KCNC4: variants seen among roughly 807,000 people sequenced by gnomAD.
The protein encoded by KCNC4 is potassium voltage-gated channel subfamily C member 4, also known as voltage-gated potassium channel KCNC4.
A neutral mutation model predicts 42.8 loss-of-function variants in KCNC4; 23 were observed. The observed-to-expected ratio is 0.54, with a 90% CI of 0.39 to 0.76. The LOEUF (loss-of-function observed/expected upper bound fraction) is 0.76. Among genes scored for constraint, KCNC4 ranks in the 30% least tolerant of loss-of-function variants. The pLI is 0.00. For missense variants in KCNC4, 751 were observed against 898.2 expected, an observed-to-expected ratio of 0.84 and a Z score of 2.10; for synonymous variants, 422 against 393.5, an observed-to-expected ratio of 1.07 and a Z score of -0.86.
chr1:110,273,405 G>C (rs1308906018), intron 1 of KCNC4, among the ~76,000 whole-genome samples: 1 of 152,078 alleles, frequency 6.6e-6, no homozygotes, highest in Non-Finnish European at 1.5e-5. Context: ...TTCTGTGAGA[G>C]TTATTTATCT....
chr1:110,211,382 C>G lies in KCNC4; in HGVS notation c.-118C>G, dbSNP rs542783839. 36 of 1,421,068 alleles carry G rather than the reference C, an allele frequency of 2.5e-5. No individual in the cohort carries two copies. In the Middle Eastern group the frequency reaches 7.7e-4, roughly 30 times the overall value. 88.0% of individuals were successfully genotyped at this position (1,421,068 alleles called of 1,614,324 possible). On this transcript the variant is annotated 5_prime_UTR_variant, in exon 1 of 4. Transcript: ENST00000438661. The surrounding 1 kb of genome is among the most constrained non-coding windows in gnomAD (Gnocchi z 6.5). ...GGCAAGCCCAAGCCGCAGAGGGGGCCGCCACCGCCTCCTGCCTCCTCTTCG... is the reference window on the plus strand; with the variant it reads ...GGCAAGCCCAAGCCGCAGAGGGGGCGGCCACCGCCTCCTGCCTCCTCTTCG...
chr1:110,232,229 G>A (rs367744177), intron 3 of KCNC4: 101 of 1,613,754 alleles, frequency 6.3e-5, no homozygotes, highest in Admixed American at 1.3e-4. Flanking sequence ...AGGCACATTC[G>A]TCCTCCGTGA....
chr1:110,246,246 G>C (rs1289458932), exon 4 of KCNC4: 2 of 152,172 alleles, frequency 1.3e-5, no homozygotes, highest in Non-Finnish European at 2.9e-5. Flanking sequence ...ACTCCATCCT[G>C]ACCTCAGAAG....
At chr1:110,258,226 G>A (rs1344773450) in intron 1 of KCNC4, among the ~76,000 whole-genome samples, 1 of 152,100 alleles carries the variant, frequency 6.6e-6, no homozygotes, top group African/African-American at 2.4e-5. Context: ...TAAGATTTAT[G>A]AAGGGTTTTT....
intron 1 of KCNC4, chr1:110,222,225 G>A (rs912237710): frequency 2.0e-5 from 3 of 152,224 alleles, no homozygotes; most frequent in Non-Finnish European, 2.9e-5. Context: ...ACATCCTAAG[G>A]TGAGAGGCAG....
intron 1 of KCNC4, among the ~76,000 whole-genome samples, chr1:110,273,894 G>C (rs1256983591): frequency 6.6e-6 from 1 of 152,180 alleles, no homozygotes; most frequent in Non-Finnish European, 1.5e-5. Context: ...TGGTGGTAGA[G>C]AGGTCTCAAA....
chr1:110,224,687 C>T (rs1183152315), intron 2 of KCNC4: 2 of 152,262 alleles, frequency 1.3e-5, no homozygotes, highest in African/African-American at 4.8e-5. Context: ...CAAGAAAGCT[C>T]ATCTCCGCCC....
At chr1:110,270,135 G>A (rs890249391) in intron 1 of KCNC4, among the ~76,000 whole-genome samples, 2 of 152,162 alleles carry the variant, frequency 1.3e-5, no homozygotes, top group South Asian at 4.1e-4. Flanking sequence ...AAACACTGAC[G>A]TCCAACTGGC....
intron 1 of KCNC4, among the ~76,000 whole-genome samples, chr1:110,276,926 C>A (rs1469868923): frequency 6.6e-6 from 1 of 152,208 alleles, no homozygotes; most frequent in Non-Finnish European, 1.5e-5. Context: ...AAGTTCTCAA[C>A]AGTGCTGAGA....
At chr1:110,279,668 A>T (rs927265020) in intron 1 of KCNC4, among the ~76,000 whole-genome samples, 4 of 152,146 alleles carry the variant, frequency 2.6e-5, no homozygotes, top group African/African-American at 9.7e-5. Context: ...GATGTTTTCC[A>T]TTATTCCTGA....
chr1:110,265,308 T>G (rs1659518027), intron 1 of KCNC4, among the ~76,000 whole-genome samples: 1 of 151,172 alleles, frequency 6.6e-6, no homozygotes, highest in Non-Finnish European at 1.5e-5. Flanking sequence ...GAGTGAACAG[T>G]AGAACTCTCA....
chr1:110,240,724 G>A (rs935209169), exon 4 of KCNC4: 2 of 152,208 alleles, frequency 1.3e-5, no homozygotes, highest in Non-Finnish European at 2.9e-5. Flanking sequence ...AGCTGCCATG[G>A]GAGGCAGAGC....
At chr1:110,248,783 C>T (rs1014017076) in exon 4 of KCNC4, 3 of 152,104 alleles carry the variant, frequency 2.0e-5, no homozygotes, top group Non-Finnish European at 4.4e-5. Flanking sequence ...ATTAACATAC[C>T]TAGTATTAAG....
intron 3 of KCNC4, among the ~76,000 whole-genome samples, chr1:110,230,358 C>G (rs970058180): frequency 6.6e-6 from 1 of 152,146 alleles, no homozygotes; most frequent in Non-Finnish European, 1.5e-5. Flanking sequence ...GATGGAGATG[C>G]GAGGGCCCCT....
rs755746125 is a variant in KCNC4 at position 110,233,320 on chromosome 1, C to G, written c.*348C>G. On this transcript the variant is annotated 3_prime_UTR_variant, in exon 4 of 4. Transcript: ENST00000438661. ...AGTTTCCCGTCCCCTTCACTGATTT[C>G]TGTTGTTTCTGCTGACTGTGTGGGT... 30 of 360,870 alleles carry G rather than the reference C, an allele frequency of 8.3e-5. No individual in the cohort carries two copies. Among genetic ancestry groups the G allele is most frequent in the Non-Finnish European group, 1.4e-4 (27 of 197,506 alleles). 22.4% of individuals were successfully genotyped at this position (360,870 alleles called of 1,614,324 possible).
At chr1:110,235,924 T>C (rs148475114), downstream of KCNC4, 349 of 152,316 alleles carry the variant, frequency 2.3e-3, 3 homozygotes, top group African/African-American at 8.1e-3. Flanking sequence ...ATCTTTTAAA[T>C]GTAGTATCTG....
chr1:110,270,572 C>T (rs1169643728), intron 1 of KCNC4, among the ~76,000 whole-genome samples: 1 of 152,200 alleles, frequency 6.6e-6, no homozygotes, highest in Non-Finnish European at 1.5e-5. Flanking sequence ...GGGAGATAAG[C>T]TGCTGACTGG....
At chr1:110,237,959 CAA>C (rs1487805054), downstream of KCNC4, 3 of 152,254 alleles carry the variant, frequency 2.0e-5, no homozygotes, top group Non-Finnish European at 4.4e-5. Context: ...GGTACCCACA[CAA>C]GAGGTAGCAC....
At chr1:110,279,748 T>A (rs1308496111) in intron 1 of KCNC4, among the ~76,000 whole-genome samples, 1 of 151,152 alleles carries the variant, frequency 6.6e-6, no homozygotes, top group Non-Finnish European at 1.5e-5. Context: ...CCATGTTAAT[T>A]TTTTTTTTAT....
Sources: allele counts gnomAD v4.1 joint callset (sites outside exome capture counted in the v4.1 genomes callset), GRCh38; gene constraint gnomAD v4.1.1; non-coding constraint Gnocchi (gnomAD v3.1); transcripts MANE v1.5; gene names NCBI Gene and HGNC (gene_info 2026-07-23, HGNC 2026-07-21).